The following ZNF737 variants were observed in gnomAD, a reference collection of about 807,000 sequenced individuals.
ZNF737 encodes the protein zinc finger protein 737.
ZNF737 carries 13 observed loss-of-function variants against 11.7 expected under a neutral mutation model. That is an observed-to-expected ratio of 1.11 (90% CI 0.73 to 1.77). ZNF737 has a LOEUF of 1.77. ZNF737 is among the 40% of genes most tolerant of loss of function. ZNF737 has a pLI of 0.00. For missense variants in ZNF737, 636 were observed against 638.0 expected (o/e 1.00, Z 0.03); for synonymous variants, 217 against 216.2 (o/e 1.00, Z -0.03).
downstream of ZNF737, among the ~76,000 whole-genome samples, chr19:20,531,215 G>A (rs1180186375): frequency 1.4e-5 from 2 of 141,726 alleles, no homozygotes; most frequent in South Asian, 2.4e-4. Flanking sequence ...GAGGGAGACC[G>A]TGGAAAGGGG....
rs1968224232 is a variant in ZNF737, at chr19:20,541,964, A to C, written c.*2628T>G. 1 of 945,198 alleles carries C rather than the reference A, an allele frequency of 1.1e-6. No individual in the cohort carries two copies. The highest frequency in any genetic ancestry group is 1.8e-5 in the African/African-American group (1 of 56,320). The allele number at this position is 945,198 out of a possible 1,614,324, so 58.6% of individuals were successfully genotyped here. A position where few individuals can be genotyped will look rare whatever the true frequency, so the allele number is the denominator to read the frequency against. Reference sequence around the variant, plus strand: ...AAATATATACACATATTATATACCCACGAATACAAATAAAAAATTTAAATA... The same window carrying C: ...AAATATATACACATATTATATACCCCCGAATACAAATAAAAAATTTAAATA... On this transcript the variant is annotated 3_prime_UTR_variant, in exon 4 of 4. Coordinates refer to ENST00000427401, the MANE Select transcript of ZNF737 (RefSeq NM_001159293.2).
At chr19:20,560,845 T>A in intron 1 of ZNF737, among the ~76,000 whole-genome samples, 1 of 152,052 alleles carries the variant, frequency 6.6e-6, no homozygotes. Context: ...CATGTTTTTA[T>A]TTATAAGTAA....
Position 20,545,834 on chromosome 19 carries a change from A to G in ZNF737, c.369T>C (p.Cys123=), listed in dbSNP as rs782011103. The G allele has an allele frequency of 5.3e-5, 85 of 1,613,684 alleles. No individual in the cohort carries two copies. Among genetic ancestry groups the G allele is most frequent in the South Asian group, 4.0e-4 (36 of 90,914 alleles). ...FKKGCESVDE[C]KVHKRGYNGL... ...CATTATAACCTCTTTTGTGCACCTT[A>G]CACTCATCTACACTTTCACAGCCCT... Residue 123 remains cysteine, a synonymous_variant, in exon 4 of 4, where the codon TGT becomes TGC. Coordinates refer to ENST00000427401, the MANE Select transcript of ZNF737 (RefSeq NM_001159293.2).
At position 20,561,777 on chromosome 19, in the gene ZNF737, A is replaced by C. The variant is rs530710054; in HGVS notation, c.3+3861T>G. Among the ~76,000 whole-genome samples, 5 of 152,010 alleles carry C rather than the reference A, an allele frequency of 3.3e-5. No homozygotes were observed. In the South Asian group the frequency reaches 6.2e-4, roughly 19 times the overall value. ...GTCCTCACTGCAGATGCCAATCACA[A>C]ACCCCATGGGCTTATCTATGCTTCT... On this transcript the variant is annotated intron_variant, in intron 1 of 3. Coordinates refer to ENST00000427401, the MANE Select transcript of ZNF737 (RefSeq NM_001159293.2).
intron 1 of ZNF737, among the ~76,000 whole-genome samples, chr19:20,560,422 A>G (rs1228305694): frequency 9.0e-6 from 1 of 111,560 alleles, no homozygotes; most frequent in African/African-American, 3.0e-5. Context: ...CTCTGTGGCC[A>G]TTAAAAAAAA....
chr19:20,533,404 A>T (rs1967877165), downstream of ZNF737, among the ~76,000 whole-genome samples: 1 of 150,044 alleles, frequency 6.7e-6, no homozygotes, highest in Admixed American at 6.6e-5. Flanking sequence ...CCAGCTTCAT[A>T]TATATATACT....
chr19:20,560,597 A>G (rs1969055261), intron 1 of ZNF737, among the ~76,000 whole-genome samples: 2 of 152,072 alleles, frequency 1.3e-5, no homozygotes, highest in Non-Finnish European at 2.9e-5. Context: ...CCTGCCCAAC[A>G]TGGAGAAAAG....
chr19:20,553,479 T>C (rs1968770359), intron 2 of ZNF737, among the ~76,000 whole-genome samples: 1 of 152,040 alleles, frequency 6.6e-6, no homozygotes, highest in Non-Finnish European at 1.5e-5. Context: ...AGGCTGATCT[T>C]GAACTCCTAG....
At chr19:20,557,199 A>G (rs554570929) in intron 1 of ZNF737, among the ~76,000 whole-genome samples, 11 of 152,278 alleles carry the variant, frequency 7.2e-5, no homozygotes, top group African/African-American at 2.4e-4. Flanking sequence ...AGATTAAAAA[A>G]CTAGGACCCT....
rs33930 is a variant in ZNF737, at chr19:20,543,062, G to A, written c.*1530C>T. ...GATTTAGTGTAATGTCTGAAGTGTCGGGGCCTTAGTTATTCTACTGTAAAC... is the reference window on the plus strand; with the variant it reads ...GATTTAGTGTAATGTCTGAAGTGTCAGGGCCTTAGTTATTCTACTGTAAAC... On this transcript the variant is annotated 3_prime_UTR_variant, in exon 4 of 4. Coordinates refer to ENST00000427401, the MANE Select transcript of ZNF737 (RefSeq NM_001159293.2). 0.055 allele frequency: 53,524 copies of A among 981,330 alleles called. 1,670 individuals carry two copies. The highest frequency in any genetic ancestry group is 0.13 in the Middle Eastern group (248 of 1,900). 60.8% of individuals were successfully genotyped at this position (981,330 alleles called of 1,614,324 possible). A position where few individuals can be genotyped will look rare whatever the true frequency, so the allele number is the denominator to read the frequency against.
chr19:20,564,937 A>AT (rs1329314990), intron 1 of ZNF737, among the ~76,000 whole-genome samples: 3 of 73,962 alleles, frequency 4.1e-5, no homozygotes, highest in East Asian at 9.0e-4. Flanking sequence ...CATAACCAGG[A>AT]ATTTTTTTTT....
chr19:20,535,294 C>G (rs781819357), downstream of ZNF737, among the ~76,000 whole-genome samples: 1 of 151,608 alleles, frequency 6.6e-6, no homozygotes, highest in East Asian at 1.9e-4. Flanking sequence ...AACAAAACAA[C>G]AACAAAATAA....
rs1357141984 is a variant in ZNF737, at chr19:20,543,383, G to A, written c.*1209C>T. 3.0e-6 allele frequency: 3 copies of A among 986,232 alleles called. No homozygotes were observed. Among genetic ancestry groups the A allele is most frequent in the Admixed American group, 6.2e-5 (1 of 16,246 alleles). 61.1% of individuals were successfully genotyped at this position (986,232 alleles called of 1,614,324 possible). The stretch of plus-strand genomic sequence containing the variant: ...AACTCCCTTTATATTTGTAATGCTT[G>A]TCTTCACAATAAATACTCTTCTTCA... On this transcript the variant is annotated 3_prime_UTR_variant, in exon 4 of 4. Coordinates refer to ENST00000427401, the MANE Select transcript of ZNF737 (RefSeq NM_001159293.2).
downstream of ZNF737, chr19:20,535,931 T>C (rs920242021): frequency 7.1e-6 from 2 of 283,012 alleles, no homozygotes; most frequent in Non-Finnish European, 1.1e-5. Context: ...CTATAAGGTT[T>C]TTTGTCTGGT....
chr19:20,563,486 C>CT (rs59511067), intron 1 of ZNF737, among the ~76,000 whole-genome samples: 2,376 of 123,658 alleles, frequency 0.019, 51 homozygotes, highest in South Asian at 0.11. Context: ...GAAGTGCTTA[C>CT]TTTTTTTTTT....
At chr19:20,530,311 G>T in the ZNF737 span, among the ~76,000 whole-genome samples, 33,900 of 123,008 alleles carry the variant, frequency 0.28, 5,920 homozygotes, top group East Asian at 0.45. Flanking sequence ...CGGGCGGGGG[G>T]CTGACCCCCC....
chr19:20,538,568 A>G lies in ZNF737; in HGVS notation c.*6024T>C. 4.5e-6 allele frequency: 4 copies of G among 892,730 alleles called. No individual in the cohort carries two copies. The highest frequency in any genetic ancestry group is 5.4e-6 in the Non-Finnish European group (4 of 745,608). 55.3% of individuals were successfully genotyped at this position (892,730 alleles called of 1,614,324 possible). ...AAAACTGCTTTCTGCAAAAAGTAAAAATGGCCTTGCTAAGAAAAATTAAAT... is the reference window on the plus strand; with the variant it reads ...AAAACTGCTTTCTGCAAAAAGTAAAGATGGCCTTGCTAAGAAAAATTAAAT... On this transcript the variant is annotated 3_prime_UTR_variant, in exon 4 of 4. Transcript: ENST00000427401.
At position 20,539,047 on chromosome 19, in the gene ZNF737, GC is replaced by G; in HGVS notation, c.*5544del. On this transcript the variant is annotated 3_prime_UTR_variant, in exon 4 of 4. Coordinates refer to ENST00000427401, the MANE Select transcript of ZNF737 (RefSeq NM_001159293.2). ...AAAGTGGCTCATGCCTGTAATCCCA[GC>G]ACTCTGGGAGGCTGAGGTGGATGGA... The G allele has an allele frequency of 2.1e-6, 2 of 968,586 alleles. No homozygotes were observed. The highest frequency in any genetic ancestry group is 1.2e-6 in the Non-Finnish European group (1 of 814,658). The allele number at this position is 968,586 out of a possible 1,614,324, so 60.0% of individuals were successfully genotyped here.
chr19:20,533,629 T>C (rs1555753285), downstream of ZNF737, among the ~76,000 whole-genome samples: 1 of 150,268 alleles, frequency 6.7e-6, no homozygotes, highest in African/African-American at 2.5e-5. Flanking sequence ...ATGTTGTTTA[T>C]AGAAACATAA....
Sources: allele counts gnomAD v4.1 joint callset (sites outside exome capture counted in the v4.1 genomes callset), GRCh38; gene constraint gnomAD v4.1.1; transcripts MANE v1.5; gene names NCBI Gene and HGNC (gene_info 2026-07-23, HGNC 2026-07-21).